C1QTNF1: variants seen among roughly 807,000 people sequenced by gnomAD.
C1QTNF1 encodes complement C1q tumor necrosis factor-related protein 1.
C1QTNF1 carries 22 observed loss-of-function variants against 27.8 expected under a neutral mutation model. The ratio of observed to expected loss-of-function variants is 0.79; its 90% CI spans 0.56 to 1.13. C1QTNF1 has a LOEUF of 1.13. Among genes scored for constraint, C1QTNF1 ranks in the 50% most tolerant of loss-of-function variants. C1QTNF1 has a pLI of 0.00. For missense variants in C1QTNF1, 373 were observed against 380.2 expected, an observed-to-expected ratio of 0.98 and a Z score of 0.16; for synonymous variants, 166 against 154.3, an observed-to-expected ratio of 1.08 and a Z score of -0.56.
chr17:79,038,104 C>T (rs561804359), intron 1 of C1QTNF1, among the ~76,000 whole-genome samples: 49 of 152,116 alleles, frequency 3.2e-4, no homozygotes, highest in African/African-American at 9.6e-4. Context: ...ATTCTCCTGC[C>T]TCAGCCTCCC....
In C1QTNF1 at chr17:79,024,922, A is replaced by AT. The variant is rs1221589556; in HGVS notation, c.-15+428_-15+429insT. On this transcript the variant is annotated intron_variant, in intron 1 of 3. Coordinates refer to ENST00000579760, the MANE Select transcript of C1QTNF1 (RefSeq NM_030968.5). ...GGCTGCACCTGGCGGGGATGCCCTCACCCCACTCCTTATCACTGGGACCAC... is the reference window on the plus strand; with the variant it reads ...GGCTGCACCTGGCGGGGATGCCCTCATCCCCACTCCTTATCACTGGGACCAC... 4 of 152,372 alleles carry AT rather than the reference A, an allele frequency of 2.6e-5. No individual in the cohort carries two copies. In the East Asian group the frequency reaches 7.8e-4, roughly 30 times the overall value. The allele number at this position is 152,372 out of a possible 1,614,324, so 9.4% of individuals were successfully genotyped here. A position where few individuals can be genotyped will look rare whatever the true frequency, so the allele number is the denominator to read the frequency against.
At chr17:79,036,275 A>T (rs527898850) in intron 1 of C1QTNF1, among the ~76,000 whole-genome samples, 5 of 152,202 alleles carry the variant, frequency 3.3e-5, no homozygotes, top group Non-Finnish European at 4.4e-5. Flanking sequence ...CCTGAGATCA[A>T]CCAGTCCTCT....
At chr17:79,022,979 G>A (rs1368891716), upstream of C1QTNF1, 1 of 152,398 alleles carries the variant, frequency 6.6e-6, no homozygotes, top group Non-Finnish European at 1.5e-5. Context: ...CCAGCCTGGG[G>A]CAAGGCAGTG....
chr17:79,023,704 GCACACACACACA>G (rs5822269), upstream of C1QTNF1, among the ~76,000 whole-genome samples: 7 of 145,030 alleles, frequency 4.8e-5, no homozygotes, highest in East Asian at 2.2e-4. Flanking sequence ...GCGCGCGCGC[GCACACACACACA>G]CACACACACA....
chr17:79,030,477 TTCTTTCTTTTTCTTTC>T (rs2072100263), intron 1 of C1QTNF1, among the ~76,000 whole-genome samples: 3 of 112,098 alleles, frequency 2.7e-5, no homozygotes, highest in South Asian at 6.1e-4. Context: ...CTTTCTTTCT[TTCTTTCTTTTTCTTTC>T]TTTCTTTCTT....
intron 1 of C1QTNF1, among the ~76,000 whole-genome samples, chr17:79,038,507 G>A (rs912581768): frequency 6.6e-6 from 1 of 152,176 alleles, no homozygotes. Context: ...GAAAATGGTC[G>A]CCGAATTACC....
At chr17:79,032,390 G>A (rs1287884491) in intron 1 of C1QTNF1, among the ~76,000 whole-genome samples, 3 of 152,214 alleles carry the variant, frequency 2.0e-5, no homozygotes, top group Admixed American at 1.3e-4. Context: ...GGACTCACGC[G>A]GGGTGGGGAA....
At chr17:79,035,896 C>T (rs923321075) in intron 1 of C1QTNF1, among the ~76,000 whole-genome samples, 4 of 152,128 alleles carry the variant, frequency 2.6e-5, no homozygotes, top group South Asian at 2.1e-4. Context: ...TGGGGGACAG[C>T]GGAGCCCCTG....
chr17:79,044,150 AG>A (rs2072504318), intron 2 of C1QTNF1, 27 bp downstream of exon 2: 1 of 1,571,986 alleles, frequency 6.4e-7, no homozygotes, highest in South Asian at 1.2e-5. Flanking sequence ...GTGTAATAGC[AG>A]GAGCTCTGGC....
chr17:79,032,577 A>G (rs1471362867), intron 1 of C1QTNF1, among the ~76,000 whole-genome samples: 1 of 152,162 alleles, frequency 6.6e-6, no homozygotes, highest in Non-Finnish European at 1.5e-5. Context: ...AGAGGAGAGG[A>G]GACCTGCAGG....
intron 1 of C1QTNF1, among the ~76,000 whole-genome samples, chr17:79,026,242 A>C (rs150619161): frequency 2.0e-5 from 3 of 150,608 alleles, no homozygotes; most frequent in Non-Finnish European, 4.4e-5. Flanking sequence ...TGCAACCTCC[A>C]CCTCCCAGGT....
intron 3 of C1QTNF1, chr17:79,047,255 C>A (rs2072607334): frequency 8.9e-5 from 27 of 302,058 alleles, no homozygotes; most frequent in Non-Finnish European, 1.1e-4. Flanking sequence ...TTTTTTTTTA[C>A]CAGGGCTTTC....
chr17:79,034,823 T>C (rs898031061), intron 1 of C1QTNF1, among the ~76,000 whole-genome samples: 2 of 151,838 alleles, frequency 1.3e-5, no homozygotes, highest in Admixed American at 6.6e-5. Flanking sequence ...GAGAGGGAGA[T>C]TGAGAGAGGA....
intron 1 of C1QTNF1, among the ~76,000 whole-genome samples, chr17:79,035,921 C>T (rs2072255440): frequency 1.3e-5 from 2 of 152,182 alleles, no homozygotes; most frequent in African/African-American, 2.4e-5. Flanking sequence ...GCATCTGATA[C>T]AGGCACAGGG....
At chr17:79,042,192 C>G (rs1361679819) in intron 1 of C1QTNF1, among the ~76,000 whole-genome samples, 1 of 152,246 alleles carries the variant, frequency 6.6e-6, no homozygotes, top group South Asian at 2.1e-4. Context: ...ACCACAGTCG[C>G]TGTGCCCCTC....
chr17:79,044,490 C>A (rs531824797), intron 2 of C1QTNF1, among the ~76,000 whole-genome samples: 11 of 152,324 alleles, frequency 7.2e-5, no homozygotes, highest in Admixed American at 1.3e-4. Flanking sequence ...CTAGGCACCA[C>A]TTGGAGGCAG....
In C1QTNF1 at chr17:79,047,538, G is replaced by A. The variant is rs1354632085; in HGVS notation, c.296G>A (p.Gly99Glu). The change falls in exon 4 of 4, where the codon GGG becomes GAG. Residue 99 changes from glycine (G) to glutamate (E), a missense_variant and splice_region_variant. Gly to Glu is a moderately conservative substitution (Grantham distance 98, BLOSUM62 -2). Coordinates refer to ENST00000579760, the MANE Select transcript of C1QTNF1 (RefSeq NM_030968.5). ...VPQINITILK[G>E]EKGDRGDRGL... ...GCACGCGTTTTCCCATCCCTTTTAGGGGAGAAGGGTGACCGCGGAGATCGA... is the reference window on the plus strand; with the variant it reads ...GCACGCGTTTTCCCATCCCTTTTAGAGGAGAAGGGTGACCGCGGAGATCGA... 2 of 1,522,506 alleles carry A rather than the reference G, an allele frequency of 1.3e-6. No homozygotes were observed. Among genetic ancestry groups the A allele is most frequent in the Admixed American group, 2.2e-5 (1 of 44,922 alleles). 94.3% of individuals were successfully genotyped at this position (1,522,506 alleles called of 1,614,324 possible). A position where few individuals can be genotyped will look rare whatever the true frequency, so the allele number is the denominator to read the frequency against.
chr17:79,023,704 G>GCGCACACACACA (rs1267428917), upstream of C1QTNF1, among the ~76,000 whole-genome samples: 198 of 145,016 alleles, frequency 1.4e-3, 1 homozygote, highest in African/African-American at 4.8e-3. Flanking sequence ...GCGCGCGCGC[G>GCGCACACACACA]CACACACACA....
intron 1 of C1QTNF1, chr17:79,043,212 ATGTG>A (rs532829652): frequency 4.5e-6 from 2 of 443,910 alleles, no homozygotes; most frequent in Non-Finnish European, 8.9e-6. Context: ...TGTGGATTGC[ATGTG>A]TGTGTGAATC....
Sources: gnomAD v4.1 joint callset for allele counts (sites outside exome capture counted in the v4.1 genomes callset) on GRCh38, gnomAD v4.1.1 for gene constraint, MANE v1.5 for transcripts, NCBI Gene and HGNC (gene_info 2026-07-23, HGNC 2026-07-21) for gene names.